RTN3: variants seen among roughly 807,000 people sequenced by gnomAD.
RTN3 encodes reticulon 3, also known as reticulon-3.
In RTN3, 49 loss-of-function variants were observed where a neutral mutation model predicts 77.8. The observed-to-expected ratio is 0.63, with a 90% CI of 0.50 to 0.80. The LOEUF is 0.80. Ranked by LOEUF, RTN3 falls within the 30% of genes least tolerant of loss-of-function variation. RTN3 has a pLI of 0.00. For missense variants in RTN3, 1,236 were observed against 1,211.9 expected, an observed-to-expected ratio of 1.02 and a Z score of -0.29; for synonymous variants, 464 against 446.9, an observed-to-expected ratio of 1.04 and a Z score of -0.48.
chr11:63,715,574 C>T (rs1047190054), intron 2 of RTN3, among the ~76,000 whole-genome samples: 5 of 152,140 alleles, frequency 3.3e-5, no homozygotes, highest in African/African-American at 9.7e-5. Flanking sequence ...AGGAAAATCG[C>T]TTCAATCTGG....
At chr11:63,697,414 TC>T in intron 1 of RTN3, among the ~76,000 whole-genome samples, 1 of 151,858 alleles carries the variant, frequency 6.6e-6, no homozygotes. Flanking sequence ...CAAGCAATTC[TC>T]CTGCCTCAGC....
intron 3 of RTN3, among the ~76,000 whole-genome samples, chr11:63,728,637 C>T (rs949443387): frequency 3.9e-5 from 6 of 152,092 alleles, no homozygotes; most frequent in African/African-American, 1.4e-4. Context: ...CGCCTGTAAT[C>T]CCCACACGTT....
At chr11:63,732,310 G>A (rs1415783034) in intron 3 of RTN3, among the ~76,000 whole-genome samples, 1 of 151,794 alleles carries the variant, frequency 6.6e-6, no homozygotes, top group Non-Finnish European at 1.5e-5. Flanking sequence ...AGGCATCTAG[G>A]GACTACAGGC....
rs530675046 is a variant in RTN3, at chr11:63,759,826, G to A, written c.*1625G>A. On this transcript the variant is annotated 3_prime_UTR_variant, in exon 9 of 9. Transcript: ENST00000377819. ...AAATACAGTAGCACCTAAGGAGCTT[G>A]AATCTTGGTTCCTGTAAAATTTCAA... The A allele has an allele frequency of 2.2e-4, 33 of 150,820 alleles. No homozygotes were observed. Among genetic ancestry groups the A allele is most frequent in the African/African-American group, 7.3e-4 (30 of 40,890 alleles). 9.3% of individuals were successfully genotyped at this position (150,820 alleles called of 1,614,324 possible).
In RTN3 at chr11:63,758,346, C is replaced by T. The variant is rs2014495855; in HGVS notation, c.*145C>T. On this transcript the variant is annotated 3_prime_UTR_variant, in exon 9 of 9. Coordinates refer to ENST00000377819, the MANE Select transcript of RTN3 (RefSeq NM_001265589.2). Reference sequence around the variant, plus strand: ...TTTTAATTTGGTGTTTTCTCCCATCCTTTCCCTTTAACCCTCAGTATCAAG... The same window carrying T: ...TTTTAATTTGGTGTTTTCTCCCATCTTTTCCCTTTAACCCTCAGTATCAAG... 1 of 1,610,024 alleles carries T rather than the reference C, an allele frequency of 6.2e-7. No homozygotes were observed. Among genetic ancestry groups the T allele is most frequent in the East Asian group, 2.2e-5 (1 of 44,840 alleles).
At chr11:63,687,516 A>G (rs531229270) in intron 1 of RTN3, among the ~76,000 whole-genome samples, 6 of 152,194 alleles carry the variant, frequency 3.9e-5, no homozygotes, top group African/African-American at 1.2e-4. Flanking sequence ...AGGCTGAGGC[A>G]GGAGAATCAC....
At position 63,681,705 on chromosome 11, in the gene RTN3, C is replaced by A; in HGVS notation, c.69C>A (p.Ser23=). 1 of 1,610,880 alleles carries A rather than the reference C, an allele frequency of 6.2e-7. No individual in the cohort carries two copies. Among genetic ancestry groups the A allele is most frequent in the South Asian group, 1.1e-5 (1 of 90,908 alleles). Residue 23 remains serine (S), a synonymous_variant, in exon 1 of 9, where the codon TCC becomes TCA. Coordinates refer to ENST00000377819, the MANE Select transcript of RTN3 (RefSeq NM_001265589.2). ...ISSSSFGAEP[S]APGGGGSPGA... ...CGTCGTCCTTCGGAGCCGAGCCGTCCGCGCCCGGCGGCGGCGGGAGCCCAG... is the reference window on the plus strand; with the variant it reads ...CGTCGTCCTTCGGAGCCGAGCCGTCAGCGCCCGGCGGCGGCGGGAGCCCAG...
chr11:63,752,455 A>G lies in RTN3; in HGVS notation c.2739-52A>G, dbSNP rs115861494. 162 of 1,575,448 alleles carry G rather than the reference A, an allele frequency of 1.0e-4. No individual in the cohort carries two copies. In the African/African-American group the frequency reaches 2.0e-3, roughly 19 times the overall value. ...TACATTCTCAGTAACTACTGTGCTA[A>G]CAAAATCTTCTTCCATGTCAAATGT... On this transcript the variant is annotated intron_variant, in intron 4 of 8. Coordinates refer to ENST00000377819, the MANE Select transcript of RTN3 (RefSeq NM_001265589.2).
chr11:63,741,626 A>C (rs2013485443), intron 3 of RTN3, among the ~76,000 whole-genome samples: 1 of 148,262 alleles, frequency 6.7e-6, no homozygotes, highest in Non-Finnish European at 1.5e-5. Flanking sequence ...CAGCCTCCCC[A>C]GTAGCTGAAA....
rs1590832729 is a variant in RTN3, at chr11:63,719,436, A to C, written c.934A>C (p.Ser312Arg). 6.2e-7 allele frequency: 1 copy of C among 1,614,178 alleles called. No homozygotes were observed. Among genetic ancestry groups the C allele is most frequent in the African/African-American group, 1.3e-5 (1 of 75,050 alleles). Residue 312 changes from serine (S) to arginine (R), a missense_variant, in exon 3 of 9, where the codon AGT becomes CGT. By Grantham distance (110) the Ser-to-Arg change is moderately radical. Coordinates refer to ENST00000377819, the MANE Select transcript of RTN3 (RefSeq NM_001265589.2). The part of the protein sequence containing the change: ...AGRYPMSALL[S>R]RQFSHTNAAL... ...ACGTTACCCAATGTCTGCATTGCTCAGTAGGCAGTTTTCACACACAAATGC... is the reference window on the plus strand; with the variant it reads ...ACGTTACCCAATGTCTGCATTGCTCCGTAGGCAGTTTTCACACACAAATGC...
rs1590758621 is a variant in RTN3, at chr11:63,681,601, T to A, written c.-36T>A. ...CCCTCCCTCTCTCCCGCCCCGTATC[T>A]CTTTTCACCCTTCTCCCACCCTCGC... On this transcript the variant is annotated 5_prime_UTR_variant, in exon 1 of 9. Coordinates refer to ENST00000377819, the MANE Select transcript of RTN3 (RefSeq NM_001265589.2). The A allele has an allele frequency of 6.5e-7, 1 of 1,549,152 alleles. No individual in the cohort carries two copies. The highest frequency in any genetic ancestry group is 8.7e-7 in the Non-Finnish European group (1 of 1,146,032).
Position 63,732,484 on chromosome 11 carries a change from T to C in RTN3, c.2530+11452T>C, listed in dbSNP as rs1218337506. ...GCCACTTTTGGCCAAAATTATTTCT[T>C]GACTGGACAAGAAAAAAAAAAAAGC... On this transcript the variant is annotated intron_variant, in intron 3 of 8. Transcript: ENST00000377819. Among the ~76,000 whole-genome samples, 14 of 151,256 alleles carry C rather than the reference T, an allele frequency of 9.3e-5. No homozygotes were observed. The South Asian group carries it at 1.5e-3, about 16-fold the overall frequency.
At chr11:63,745,007 A>G (rs1291578089) in intron 3 of RTN3, among the ~76,000 whole-genome samples, 2 of 152,112 alleles carry the variant, frequency 1.3e-5, no homozygotes, top group Non-Finnish European at 2.9e-5. Context: ...AGAAAAGAAA[A>G]TTTCATGGAC....
rs1455567174 is a variant in RTN3, at chr11:63,719,398, A to G, written c.896A>G (p.Asn299Ser). Residue 299 changes from asparagine to serine, a missense_variant, in exon 3 of 9, where the codon AAT becomes AGT. Coordinates refer to ENST00000377819, the MANE Select transcript of RTN3 (RefSeq NM_001265589.2). ...ETNDKLFPLR[N>S]KEAGRYPMSA... ...AATGACAAGCTTTTTCCACTGAGAA[A>G]TAAAGAGGCAGGACGTTACCCAATG... 3 of 1,614,220 alleles carry G rather than the reference A, an allele frequency of 1.9e-6. No homozygotes were observed. The highest frequency in any genetic ancestry group is 4.5e-5 in the East Asian group (2 of 44,882).
At chr11:63,698,239 TCAGTCCCC>T (rs1467179104) in intron 1 of RTN3, among the ~76,000 whole-genome samples, 1 of 152,004 alleles carries the variant, frequency 6.6e-6, no homozygotes, top group African/African-American at 2.4e-5. Flanking sequence ...TCCTTTCAGC[TCAGTCCCC>T]CCAAGTAGCT....
At chr11:63,748,663 T>C (rs1209461082) in intron 3 of RTN3, among the ~76,000 whole-genome samples, 5 of 132,972 alleles carry the variant, frequency 3.8e-5, no homozygotes, top group Non-Finnish European at 6.4e-5. Context: ...CCCACTCACT[T>C]TTTTTTTTTT....
intron 5 of RTN3, 108 bp downstream of exon 5, chr11:63,752,753 T>C: frequency 1.7e-6 from 2 of 1,184,118 alleles, no homozygotes; most frequent in Non-Finnish European, 2.4e-6. Flanking sequence ...AATGAACGTA[T>C]GCTTAGCTCA....
intron 1 of RTN3, among the ~76,000 whole-genome samples, chr11:63,702,002 T>G (rs1942260052): frequency 6.6e-6 from 1 of 152,224 alleles, no homozygotes; most frequent in Non-Finnish European, 1.5e-5. Flanking sequence ...TACTTCATTT[T>G]CATATAATTA....
At chr11:63,733,902 A>T (rs1035487786) in intron 3 of RTN3, among the ~76,000 whole-genome samples, 1 of 151,988 alleles carries the variant, frequency 6.6e-6, no homozygotes, top group African/African-American at 2.4e-5. Context: ...AAAAGAAAAA[A>T]AAACACCACA....
Sources: gnomAD v4.1 joint callset for allele counts (sites outside exome capture counted in the v4.1 genomes callset) on GRCh38, gnomAD v4.1.1 for gene constraint, MANE v1.5 for transcripts, NCBI Gene and HGNC (gene_info 2026-07-23, HGNC 2026-07-21) for gene names.